Variants in TENM1 observed in about 807,000 individuals in gnomAD.
TENM1 encodes the protein teneurin-1.
Under a neutral mutation model 174.8 loss-of-function variants are expected in TENM1, and 35 were observed. The observed-to-expected ratio is 0.20, with a 90% CI of 0.15 to 0.27. The LOEUF (loss-of-function observed/expected upper bound fraction) is 0.27, where lower values mean the gene tolerates loss of function less well. Ranked by LOEUF, TENM1 falls within the 10% of genes least tolerant of loss-of-function variation. The pLI, the probability that TENM1 is intolerant of heterozygous loss-of-function variation, is 1.00. For synonymous variants in TENM1, 781 were observed against 798.7 expected (o/e 0.98, Z 0.37); for missense variants, 1,633 against 2,130.1 (o/e 0.77, Z 4.59).
rs1043645053 is a variant in TENM1, at chrX:124,645,999, G to A, written c.1682-662C>T. On this transcript the variant is annotated intron_variant, in intron 9 of 31. Transcript: ENST00000422452. ...GTGTTTTAGAATTCGCTACTGAATG[G>A]AATTTAATAGAAAGAAACCAAGTGT... 3.6e-5 allele frequency among the ~76,000 whole-genome samples: 4 copies of A among 111,833 alleles called. No homozygotes were observed. The East Asian group carries it at 8.4e-4, about 23-fold the overall frequency.
chrX:124,692,338 G>A (rs2052544977), intron 5 of TENM1, among the ~76,000 whole-genome samples: 1 of 111,069 alleles, frequency 9.0e-6, no homozygotes, highest in Non-Finnish European at 1.9e-5. Flanking sequence ...CAGGTACTAT[G>A]CTTATTACCT....
chrX:125,047,011 T>C, the TENM1 span, among the ~76,000 whole-genome samples: 1 of 110,424 alleles, frequency 9.1e-6, no homozygotes, highest in African/African-American at 3.3e-5. Context: ...TTAAAAGCAG[T>C]GATAGATTTT....
intron 3 of TENM1, among the ~76,000 whole-genome samples, chrX:124,739,335 A>G: frequency 8.9e-6 from 1 of 112,028 alleles, no homozygotes; most frequent in Middle Eastern, 4.6e-3. Context: ...TAAGGCTGGA[A>G]GAAATCATAG....
chrX:124,460,217 C>A (rs1322377971), intron 22 of TENM1, among the ~76,000 whole-genome samples: 4 of 111,606 alleles, frequency 3.6e-5, no homozygotes, highest in African/African-American at 9.8e-5. Context: ...ACCCAGCAGT[C>A]CCCTTACTGG....
At chrX:125,032,703 A>T in the TENM1 span, among the ~76,000 whole-genome samples, 1 of 110,825 alleles carries the variant, frequency 9.0e-6, no homozygotes, top group Non-Finnish European at 1.9e-5. Context: ...TGCTGCCCTT[A>T]TTTACAGGGG....
intron 11 of TENM1, among the ~76,000 whole-genome samples, chrX:124,591,776 C>A (rs1189778297): frequency 8.9e-6 from 1 of 111,942 alleles, no homozygotes. Flanking sequence ...ACCTTTCTAG[C>A]AAGATTAAAG....
chrX:125,026,390 C>T, the TENM1 span, among the ~76,000 whole-genome samples: 1 of 111,590 alleles, frequency 9.0e-6, no homozygotes, highest in Non-Finnish European at 1.9e-5. Context: ...AAACAATTGC[C>T]ATTAAACAAA....
At chrX:125,111,241 A>C in the TENM1 span, among the ~76,000 whole-genome samples, 2 of 111,197 alleles carry the variant, frequency 1.8e-5, no homozygotes, top group African/African-American at 6.5e-5. Flanking sequence ...GAACTTTTTG[A>C]ATATGGATTC....
chrX:124,995,322 G>C, the TENM1 span, among the ~76,000 whole-genome samples: 1 of 111,268 alleles, frequency 9.0e-6, no homozygotes, highest in African/African-American at 3.3e-5. Flanking sequence ...TAGACTGTAA[G>C]TTCCATCATG....
chrX:124,453,669 T>C (rs1385326100), intron 22 of TENM1, among the ~76,000 whole-genome samples, 178 bp from the exon 26 acceptor site: 1 of 111,884 alleles, frequency 8.9e-6, no homozygotes, highest in African/African-American at 3.2e-5. Context: ...ATTCACTTCT[T>C]TGTGTATTGA....
the TENM1 span, among the ~76,000 whole-genome samples, chrX:125,159,893 C>G: frequency 9.0e-6 from 1 of 111,610 alleles, no homozygotes; most frequent in Non-Finnish European, 1.9e-5. Flanking sequence ...CAGTAGGAAA[C>G]AGTTCAGTCA....
intron 3 of TENM1, among the ~76,000 whole-genome samples, chrX:124,851,873 A>C (rs367910404): frequency 9.0e-6 from 1 of 111,566 alleles, no homozygotes. Flanking sequence ...AAACATGCCA[A>C]CAAAGTTTTT....
the TENM1 span, among the ~76,000 whole-genome samples, chrX:124,999,684 C>T: frequency 9.0e-6 from 1 of 110,779 alleles, no homozygotes; most frequent in Admixed American, 9.6e-5. Context: ...TAAAGTTAGC[C>T]TATTATCCTT....
In TENM1 at chrX:124,894,367, A is replaced by G. The variant is rs899425800; in HGVS notation, c.479-15T>C. ...GAATTTGAAACCTGTAACAGTAAACATTTCACTAGTTAAGCCTTGTCCAAG... is the reference window on the plus strand; with the variant it reads ...GAATTTGAAACCTGTAACAGTAAACGTTTCACTAGTTAAGCCTTGTCCAAG... On this transcript the variant is annotated splice_polypyrimidine_tract_variant and intron_variant, in intron 2 of 31. Coordinates refer to ENST00000422452, the Ensembl canonical transcript of TENM1. 8.6e-7 allele frequency: 1 copy of G among 1,167,944 alleles called. No individual in the cohort carries two copies.
chrX:124,436,490 G>A (rs1471523060), intron 23 of TENM1, among the ~76,000 whole-genome samples: 1 of 108,679 alleles, frequency 9.2e-6, no homozygotes, highest in Non-Finnish European at 1.9e-5. Flanking sequence ...CAACCAGCTG[G>A]CATCTTCTTT....
At chrX:124,818,043 T>A (rs1234089033) in intron 3 of TENM1, among the ~76,000 whole-genome samples, 1 of 104,440 alleles carries the variant, frequency 9.6e-6, no homozygotes. Flanking sequence ...CTGTCACTGA[T>A]TTTTTTTTTT....
chrX:124,872,152 T>G lies in TENM1; in HGVS notation c.535+22144A>C, dbSNP rs769946138. ...TATCCTGTAAGCCAGGTGAAAACAG[T>G]GTAGAGAACTCAGAATTTCTTCATG... On this transcript the variant is annotated intron_variant, in intron 3 of 31. Coordinates refer to ENST00000422452, the Ensembl canonical transcript of TENM1. Among the ~76,000 whole-genome samples the G allele has an allele frequency of 6.4e-5, 7 of 109,307 alleles. No homozygotes were observed. In the East Asian group the frequency reaches 2.0e-3, roughly 31 times the overall value. The allele number at this position is 109,307 out of a possible 115,157, so 94.9% of individuals were successfully genotyped here. A position where few individuals can be genotyped will look rare whatever the true frequency, so the allele number is the denominator to read the frequency against.
intron 27 of TENM1, among the ~76,000 whole-genome samples, chrX:124,394,142 T>TGA (rs2060310473): frequency 8.9e-6 from 1 of 111,926 alleles, no homozygotes; most frequent in Non-Finnish European, 1.9e-5. Context: ...TGATCCTGAA[T>TGA]GAAATGTTAA....
chrX:125,008,640 A>T, the TENM1 span, among the ~76,000 whole-genome samples: 2 of 111,945 alleles, frequency 1.8e-5, no homozygotes, highest in African/African-American at 6.5e-5. Context: ...GAAGTAAAAC[A>T]CTCCTCAGCA....
Sources: gnomAD v4.1 joint callset for allele counts (sites outside exome capture counted in the v4.1 genomes callset) on GRCh38, gnomAD v4.1.1 for gene constraint, MANE v1.5 for transcripts, NCBI Gene and HGNC (gene_info 2026-07-23, HGNC 2026-07-21) for gene names.